FGF12: variants seen among roughly 807,000 people sequenced by gnomAD.
FGF12 encodes the protein fibroblast growth factor 12, also known as fibroblast growth factor 12B.
FGF12 carries 14 observed loss-of-function variants against 23.6 expected under a neutral mutation model. That is an observed-to-expected ratio of 0.59 (90% confidence interval 0.39 to 0.93). The LOEUF is 0.93. Among genes scored for constraint, FGF12 ranks in the 40% least tolerant of loss-of-function variants. FGF12 has a pLI of 0.00. For synonymous variants in FGF12, 62 were observed against 77.3 expected, an observed-to-expected ratio of 0.80 and a Z score of 1.04; for missense variants, 175 against 217.8, an observed-to-expected ratio of 0.80 and a Z score of 1.24.
chr3:192,267,369 T>C (rs189889674), intron 4 of FGF12, among the ~76,000 whole-genome samples: 2 of 152,290 alleles, frequency 1.3e-5, no homozygotes, highest in Non-Finnish European at 2.9e-5. Context: ...AAAATTCCCA[T>C]GCATTACGCT....
intron 2 of FGF12, among the ~76,000 whole-genome samples, chr3:192,443,005 C>T (rs966146745): frequency 6.6e-6 from 1 of 152,010 alleles, no homozygotes; most frequent in African/African-American, 2.4e-5. Context: ...GACGGGGTTT[C>T]ACCATCTTGG....
chr3:192,621,690 C>CAAAAAAAAAAA (rs5855441), intron 2 of FGF12, among the ~76,000 whole-genome samples: 25 of 94,352 alleles, frequency 2.6e-4, no homozygotes, highest in African/African-American at 4.0e-4. Context: ...GATACAAATA[C>CAAAAAAAAAAA]AAAAAAAAAA....
intron 2 of FGF12, among the ~76,000 whole-genome samples, chr3:192,513,652 G>A (rs1724562097): frequency 6.6e-6 from 1 of 152,106 alleles, no homozygotes; most frequent in Non-Finnish European, 1.5e-5. Context: ...TTTTAAACAC[G>A]AAATCTTGTA....
chr3:192,654,549 T>C (rs1716328556), intron 2 of FGF12, among the ~76,000 whole-genome samples: 1 of 152,214 alleles, frequency 6.6e-6, no homozygotes, highest in Admixed American at 6.5e-5. Context: ...CAGATGGGCA[T>C]TCAATGTATC....
rs543540249 is a variant in FGF12 at position 192,390,737 on chromosome 3, C to T, written c.14-30199G>A. On this transcript the variant is annotated intron_variant, in intron 2 of 5. Transcript: ENST00000445105. ...TAAAACGTTACAGAGATACAGTCAA[C>T]GAGGCGTGTGACTGATATGAAGAGA... is the stretch of plus-strand genomic sequence containing the variant. 5.9e-5 allele frequency among the ~76,000 whole-genome samples: 9 copies of T among 152,252 alleles called. No homozygotes were observed. The East Asian group carries it at 1.4e-3, about 23-fold the overall frequency.
intron 2 of FGF12, among the ~76,000 whole-genome samples, chr3:192,398,802 C>A (rs1348759963): frequency 6.6e-6 from 1 of 152,124 alleles, no homozygotes; most frequent in Non-Finnish European, 1.5e-5. Flanking sequence ...AGAATCTAAC[C>A]AGTCCTGTGA....
intron 2 of FGF12, among the ~76,000 whole-genome samples, chr3:192,526,112 A>G (rs1724939853): frequency 6.6e-6 from 1 of 152,202 alleles, no homozygotes; most frequent in Non-Finnish European, 1.5e-5. Flanking sequence ...GTTTTTGCAC[A>G]TGATAGTTCA....
chr3:192,425,976 C>G (rs1721677090), intron 2 of FGF12, among the ~76,000 whole-genome samples: 1 of 152,128 alleles, frequency 6.6e-6, no homozygotes, highest in South Asian at 2.1e-4. Context: ...GACAAAGCTC[C>G]AAGAGATCAA....
intron 4 of FGF12, among the ~76,000 whole-genome samples, chr3:192,208,472 T>C (rs572654296): frequency 3.9e-5 from 6 of 152,352 alleles, no homozygotes; most frequent in Non-Finnish European, 8.8e-5. Flanking sequence ...CCACAGTTTC[T>C]CATCAGATGA....
chr3:192,289,850 A>T (rs1714661679), intron 4 of FGF12, among the ~76,000 whole-genome samples: 1 of 152,184 alleles, frequency 6.6e-6, no homozygotes, highest in Non-Finnish European at 1.5e-5. Context: ...AGGAGATATG[A>T]AACCCAGTTA....
intron 2 of FGF12, among the ~76,000 whole-genome samples, chr3:192,648,165 C>T (rs1716083205): frequency 6.6e-6 from 1 of 152,000 alleles, no homozygotes; most frequent in Non-Finnish European, 1.5e-5. Flanking sequence ...AATATTCTAT[C>T]ATTATTTTTA....
chr3:192,369,216 T>C (rs1008392480), intron 2 of FGF12, among the ~76,000 whole-genome samples: 68 of 152,202 alleles, frequency 4.5e-4, no homozygotes, highest in African/African-American at 1.4e-3. Context: ...TAATAAGATA[T>C]ACCTGGCATT....
chr3:192,236,239 ATT>A (rs35357344), intron 4 of FGF12, among the ~76,000 whole-genome samples: 4 of 151,992 alleles, frequency 2.6e-5, no homozygotes, highest in African/African-American at 7.2e-5. Context: ...GTATGATGTC[ATT>A]TTTTTTTGAA....
intron 5 of FGF12, among the ~76,000 whole-genome samples, chr3:192,159,495 A>G (rs938471087): frequency 6.6e-6 from 1 of 152,072 alleles, no homozygotes; most frequent in Admixed American, 6.6e-5. Context: ...AATTACATTC[A>G]TTTTCTTAGC....
At chr3:192,357,346 G>A (rs112277024) in intron 3 of FGF12, among the ~76,000 whole-genome samples, 1 of 151,836 alleles carries the variant, frequency 6.6e-6, no homozygotes, top group South Asian at 2.1e-4. Flanking sequence ...GCTGGGTGTG[G>A]TGGCATGTGC....
At chr3:192,429,962 C>T (rs7622571) in intron 2 of FGF12, among the ~76,000 whole-genome samples, 1 of 151,894 alleles carries the variant, frequency 6.6e-6, no homozygotes, top group Non-Finnish European at 1.5e-5. Flanking sequence ...TAATAAAATG[C>T]TTGTCTCTGT....
chr3:192,310,094 A>T (rs1328383613), intron 4 of FGF12, among the ~76,000 whole-genome samples: 3 of 152,206 alleles, frequency 2.0e-5, no homozygotes, highest in Non-Finnish European at 4.4e-5. Flanking sequence ...TAACAGACAT[A>T]AGAATACTGT....
At chr3:192,312,018 T>C (rs774069706) in intron 4 of FGF12, among the ~76,000 whole-genome samples, 2 of 152,158 alleles carry the variant, frequency 1.3e-5, no homozygotes, top group Non-Finnish European at 2.9e-5. Flanking sequence ...AGGTTATATG[T>C]CTTTTTATTA....
At chr3:192,491,245 C>T (rs1723793491) in intron 2 of FGF12, among the ~76,000 whole-genome samples, 1 of 152,060 alleles carries the variant, frequency 6.6e-6, no homozygotes, top group South Asian at 2.1e-4. Flanking sequence ...ATGTAAACAC[C>T]TCTTCTCCCC....
Sources: gnomAD v4.1 joint callset for allele counts (sites outside exome capture counted in the v4.1 genomes callset) on GRCh38, gnomAD v4.1.1 for gene constraint, MANE v1.5 for transcripts, NCBI Gene and HGNC (gene_info 2026-07-23, HGNC 2026-07-21) for gene names.